The following CTCFL variants were observed in gnomAD, a reference collection of about 807,000 sequenced individuals.
CTCFL encodes the protein CCCTC-binding factor like.
CTCFL carries 36 observed loss-of-function variants against 67.4 expected under a neutral mutation model. That is an observed-to-expected ratio of 0.53 (90% CI 0.41 to 0.71). The LOEUF (loss-of-function observed/expected upper bound fraction) is 0.71. Among genes scored for constraint, CTCFL ranks in the 30% least tolerant of loss-of-function variants. CTCFL has a pLI of 0.00. For synonymous variants in CTCFL, 324 were observed against 302.3 expected (o/e 1.07, Z -0.75); for missense variants, 786 against 835.2 (o/e 0.94, Z 0.73).
chr20:57,505,428 T>G lies in CTCFL; in HGVS notation c.1675-1827A>C, dbSNP rs981636122. Reference sequence around the variant, plus strand: ...GTGCCACCACGCCCGGCTAATTTTTTGTATTTTTCAGTAGAGATGGGGTTT... The same window carrying G: ...GTGCCACCACGCCCGGCTAATTTTTGGTATTTTTCAGTAGAGATGGGGTTT... On this transcript the variant is annotated intron_variant, in intron 9 of 10. Transcript: ENST00000243914. Among the ~76,000 whole-genome samples, 9 of 151,726 alleles carry G rather than the reference T, an allele frequency of 5.9e-5. 1 individual carries two copies. Among genetic ancestry groups the G allele is most frequent in the Non-Finnish European group, 1.3e-4 (9 of 67,824 alleles).
At chr20:57,504,572 G>A (rs552834862) in intron 9 of CTCFL, among the ~76,000 whole-genome samples, 2 of 151,838 alleles carry the variant, frequency 1.3e-5, no homozygotes, top group Admixed American at 6.6e-5. Context: ...GTGAGCCACC[G>A]CACTGGCCAA....
intron 3 of CTCFL, among the ~76,000 whole-genome samples, chr20:57,522,206 G>C (rs768853324): frequency 6.6e-6 from 1 of 152,170 alleles, no homozygotes; most frequent in Non-Finnish European, 1.5e-5. Context: ...GGTGGTGGCA[G>C]TGTTTGGTTG....
chr20:57,523,169 G>T lies in CTCFL; in HGVS notation c.653C>A (p.Thr218Lys). ...GDERSDEIVL[T>K]VSNSNVEEQE... is the part of the protein sequence containing the mutation. The stretch of plus-strand genomic sequence containing the variant: ...TTCTTCCACATTTGAATTTGAAACT[G>T]TGAGAACAATTTCGTCACTTCTTTC... Residue 218 changes from threonine (T) to lysine (K), a missense_variant, in exon 3 of 11, where the codon ACA (threonine) becomes AAA (lysine). Transcript: ENST00000243914. 1 of 1,613,998 alleles carries T rather than the reference G, an allele frequency of 6.2e-7. No individual in the cohort carries two copies. Among genetic ancestry groups the T allele is most frequent in the Non-Finnish European group, 8.5e-7 (1 of 1,180,008 alleles).
At chr20:57,506,791 T>G in intron 9 of CTCFL, 1 of 984,916 alleles carries the variant, frequency 1.0e-6, no homozygotes, top group Non-Finnish European at 1.2e-6. Flanking sequence ...CAAAGAGCAG[T>G]TTTTTTCTCT....
At position 57,513,508 on chromosome 20, in the gene CTCFL, G is replaced by T. The variant is rs567372390; in HGVS notation, c.1331-756C>A. 15 of 1,022,894 alleles carry T rather than the reference G, an allele frequency of 1.5e-5. No homozygotes were observed. The South Asian group carries it at 5.1e-4, about 35-fold the overall frequency. The allele number at this position is 1,022,894 out of a possible 1,614,324, so 63.4% of individuals were successfully genotyped here. A position where few individuals can be genotyped will look rare whatever the true frequency, so the allele number is the denominator to read the frequency against. On this transcript the variant is annotated intron_variant, in intron 7 of 10. Transcript: ENST00000243914. ...AATGTGTTTATAAAGCATCTTATAG[G>T]GCTATGTGGAGTGTATCACCCACTG...
Position 57,497,414 on chromosome 20 carries a change from T to C in CTCFL, c.*1136A>G. On this transcript the variant is annotated 3_prime_UTR_variant, in exon 11 of 11. Coordinates refer to ENST00000243914, the MANE Select transcript of CTCFL (RefSeq NM_001386993.1). ...GATTCTGAACTTGTGATATTTTCAATAAAAGGTCCATATCTTAAGAATTTG... is the reference window on the plus strand; with the variant it reads ...GATTCTGAACTTGTGATATTTTCAACAAAAGGTCCATATCTTAAGAATTTG... The C allele has an allele frequency of 1.0e-6, 1 of 985,268 alleles. No homozygotes were observed. Among genetic ancestry groups the C allele is most frequent in the Non-Finnish European group, 1.2e-6 (1 of 829,814 alleles). The allele number at this position is 985,268 out of a possible 1,614,324, so 61.0% of individuals were successfully genotyped here. A position where few individuals can be genotyped will look rare whatever the true frequency, so the allele number is the denominator to read the frequency against.
At chr20:57,515,364 C>T in intron 6 of CTCFL, 1 of 261,786 alleles carries the variant, frequency 3.8e-6, no homozygotes, top group Middle Eastern at 1.4e-3. Flanking sequence ...AGGCTGGTCT[C>T]AAACTCCTGG....
At chr20:57,511,144 T>C (rs2068524238) in intron 8 of CTCFL, among the ~76,000 whole-genome samples, 3 of 152,148 alleles carry the variant, frequency 2.0e-5, no homozygotes, top group African/African-American at 7.2e-5. Flanking sequence ...TGGGCTTAAG[T>C]GATCCTCCAA....
At position 57,523,136 on chromosome 20, in the gene CTCFL, T is replaced by G; in HGVS notation, c.686A>C (p.Asp229Ala). Residue 229 changes from aspartate (D) to alanine (A), a missense_variant, in exon 3 of 11, where the codon GAT (aspartate) becomes GCT (alanine). Physicochemically the swap from Asp to Ala is moderately radical, Grantham distance 126 (BLOSUM62 -2). Coordinates refer to ENST00000243914, the MANE Select transcript of CTCFL (RefSeq NM_001386993.1). ...VSNSNVEEQE[D>A]QPTAGQADAE... ...ATCTGCTTGACCAGCTGTAGGTTGA[T>G]CCTCTTGTTCTTCCACATTTGAATT... 1 of 1,614,078 alleles carries G rather than the reference T, an allele frequency of 6.2e-7. No homozygotes were observed.
At chr20:57,503,677 C>T (rs887098319) in intron 9 of CTCFL, 76 bp from the exon 10 acceptor site, 17 of 1,496,442 alleles carry the variant, frequency 1.1e-5, no homozygotes, top group Admixed American at 4.0e-5. Context: ...CTGTGGGGAC[C>T]CCACGCATGG....
rs2067845138 is a variant in CTCFL, at chr20:57,500,129, C to T, written c.1841-1428G>A. 3.1e-6 allele frequency: 3 copies of T among 954,564 alleles called. No individual in the cohort carries two copies. The South Asian group carries it at 1.5e-4, about 47-fold the overall frequency. The allele number at this position is 954,564 out of a possible 1,614,324, so 59.1% of individuals were successfully genotyped here. A position where few individuals can be genotyped will look rare whatever the true frequency, so the allele number is the denominator to read the frequency against. On this transcript the variant is annotated intron_variant, in intron 10 of 10. Coordinates refer to ENST00000243914, the MANE Select transcript of CTCFL (RefSeq NM_001386993.1). ...TGGTGGATGGAGGGAGACAAGAAGA[C>T]CCAGTTCTTGGATATGAAAAGAAAC...
intron 1 of CTCFL, chr20:57,524,558 C>T (rs1370776320): frequency 1.4e-5 from 15 of 1,067,152 alleles, no homozygotes; most frequent in Non-Finnish European, 1.7e-5. Context: ...CAAGGTTAGG[C>T]CTGAGCCGGT....
At chr20:57,504,283 CCTTT>C (rs1374636575) in intron 9 of CTCFL, among the ~76,000 whole-genome samples, 3 of 141,590 alleles carry the variant, frequency 2.1e-5, no homozygotes, top group South Asian at 2.2e-4. Flanking sequence ...CCCCCCGTCT[CCTTT>C]TTTTTTTTTG....
upstream of CTCFL, chr20:57,525,622 G>T (rs535327280): frequency 2.5e-5 from 2 of 81,146 alleles, no homozygotes; most frequent in East Asian, 4.5e-4. Context: ...GCCCACAGGA[G>T]GCACTGAGAT....
Position 57,509,284 on chromosome 20 carries a change from A to ATTTT in CTCFL, c.1492-500_1492-497dup, listed in dbSNP as rs370517858. 1.3e-4 allele frequency among the ~76,000 whole-genome samples: 17 copies of ATTTT among 134,660 alleles called. 1 individual carries two copies. Among genetic ancestry groups the ATTTT allele is most frequent in the South Asian group, 4.8e-4 (2 of 4,134 alleles). 88.3% of individuals were successfully genotyped at this position (134,660 alleles called of 152,430 possible). A position where few individuals can be genotyped will look rare whatever the true frequency, so the allele number is the denominator to read the frequency against. On this transcript the variant is annotated intron_variant, in intron 8 of 10. Transcript: ENST00000243914. ...AGTATCGTAACAGATCTTAATACCG[A>ATTTT]TTTTTTTTTTTTTTTTTTTGAGACA...
intron 5 of CTCFL, among the ~76,000 whole-genome samples, chr20:57,518,118 C>A (rs1348141309): frequency 6.6e-6 from 1 of 152,198 alleles, no homozygotes; most frequent in Non-Finnish European, 1.5e-5. Context: ...CGACCAGGCT[C>A]AAAACCGGGC....
rs149160018 is a variant in CTCFL at position 57,504,752 on chromosome 20, A to T, written c.1675-1151T>A. 1.4e-3 allele frequency among the ~76,000 whole-genome samples: 211 copies of T among 151,988 alleles called. 1 individual carries two copies. The East Asian group carries it at 0.033, about 24-fold the overall frequency. ...AATTTCCTCCTGAGAGGCCTAGAGGAGGTCATGCCTCGTGAACCAGAGCTA... is the reference window on the plus strand; with the variant it reads ...AATTTCCTCCTGAGAGGCCTAGAGGTGGTCATGCCTCGTGAACCAGAGCTA... On this transcript the variant is annotated intron_variant, in intron 9 of 10. Transcript: ENST00000243914.
At chr20:57,511,206 T>C (rs1643703174) in intron 8 of CTCFL, among the ~76,000 whole-genome samples, 1 of 152,008 alleles carries the variant, frequency 6.6e-6, no homozygotes, top group African/African-American at 2.4e-5. Flanking sequence ...CCACAGCTAA[T>C]TTTTGTATTT....
chr20:57,504,425 G>A (rs35139247), intron 9 of CTCFL, among the ~76,000 whole-genome samples: 24,437 of 150,976 alleles, frequency 0.16, 2,923 homozygotes, highest in Middle Eastern at 0.23. Context: ...GACTACAGGC[G>A]AGTGCCACCA....
Sources: gnomAD v4.1 joint callset for allele counts (sites outside exome capture counted in the v4.1 genomes callset) on GRCh38, gnomAD v4.1.1 for gene constraint, MANE v1.5 for transcripts, NCBI Gene and HGNC (gene_info 2026-07-23, HGNC 2026-07-21) for gene names.